The following SNTG1 variants were observed in gnomAD, a reference collection of about 807,000 sequenced individuals.
SNTG1 encodes syntrophin gamma 1, also known as gamma-1-syntrophin.
A neutral mutation model predicts 74.7 loss-of-function variants in SNTG1; 39 were observed. The observed-to-expected ratio is 0.52, with a 90% CI of 0.40 to 0.68. SNTG1 has a LOEUF of 0.68. Ranked by LOEUF, SNTG1 falls within the 30% of genes least tolerant of loss-of-function variation. The probability of loss-of-function intolerance (pLI) is 0.00; values close to 1 mark genes in which losing one functional copy is unlikely to be tolerated. For synonymous variants in SNTG1, 254 were observed against 217.1 expected (o/e 1.17, Z -1.49); for missense variants, 685 against 609.5 (o/e 1.12, Z -1.30).
intron 18 of SNTG1, among the ~76,000 whole-genome samples, chr8:50,773,893 A>G (rs1304060324): frequency 1.3e-5 from 2 of 152,144 alleles, no homozygotes; most frequent in Non-Finnish European, 2.9e-5. Context: ...AGAGAATGTT[A>G]ATGAAAGGAT....
chr8:50,053,432 G>A (rs1819748310), intron 1 of SNTG1, among the ~76,000 whole-genome samples: 1 of 151,970 alleles, frequency 6.6e-6, no homozygotes, highest in South Asian at 2.1e-4. Context: ...GGATTAGGGA[G>A]AGGAATGATT....
intron 12 of SNTG1, chr8:50,575,520 C>G (rs188278794): frequency 1.3e-5 from 2 of 152,222 alleles, no homozygotes; most frequent in Middle Eastern, 3.2e-3. Context: ...CTCCACCATA[C>G]CAAAGTAGCA....
At chr8:50,446,221 A>T (rs2093405941) in intron 5 of SNTG1, among the ~76,000 whole-genome samples, 1 of 152,214 alleles carries the variant, frequency 6.6e-6, no homozygotes. Flanking sequence ...TAACTGTAGC[A>T]GCTGAGCTGC....
chr8:50,721,632 G>A lies in SNTG1; in HGVS notation c.1284+12654G>A, dbSNP rs542565137. On this transcript the variant is annotated intron_variant, in intron 17 of 18. Coordinates refer to ENST00000642720, the MANE Select transcript of SNTG1 (RefSeq NM_018967.5). Reference sequence around the variant, plus strand: ...GTTCAATAAATGAGTCTGATGTTTGGTTAGGGAAATCACTAAAAAGGTAGG... The same window carrying A: ...GTTCAATAAATGAGTCTGATGTTTGATTAGGGAAATCACTAAAAAGGTAGG... 2.0e-5 allele frequency among the ~76,000 whole-genome samples: 3 copies of A among 152,212 alleles called. No homozygotes were observed. In the East Asian group the frequency reaches 5.8e-4, roughly 29 times the overall value.
At chr8:50,315,709 C>G (rs1331489560) in intron 2 of SNTG1, among the ~76,000 whole-genome samples, 1 of 138,098 alleles carries the variant, frequency 7.2e-6, no homozygotes, top group African/African-American at 3.0e-5. Context: ...AGTGAATATG[C>G]CTTCCTAACA....
chr8:49,998,963 A>G (rs1193147570), intron 1 of SNTG1, among the ~76,000 whole-genome samples: 2 of 152,186 alleles, frequency 1.3e-5, no homozygotes, highest in Non-Finnish European at 2.9e-5. Flanking sequence ...AACACAGTCT[A>G]TAAAATGGAT....
At chr8:50,752,576 A>G (rs2095570328) in intron 18 of SNTG1, among the ~76,000 whole-genome samples, 1 of 152,000 alleles carries the variant, frequency 6.6e-6, no homozygotes, top group African/African-American at 2.4e-5. Flanking sequence ...TTGCATTAGA[A>G]TAAATTATAA....
At chr8:49,962,983 G>A (rs565426141) in intron 1 of SNTG1, among the ~76,000 whole-genome samples, 22 of 152,288 alleles carry the variant, frequency 1.4e-4, no homozygotes, top group African/African-American at 4.1e-4. Context: ...AGGGATCCAC[G>A]ACTCCTGAGT....
intron 1 of SNTG1, among the ~76,000 whole-genome samples, chr8:50,162,568 A>AAAAAAAAAAG (rs1053332278): frequency 7.3e-5 from 11 of 151,112 alleles, no homozygotes; most frequent in Non-Finnish European, 1.5e-4. Flanking sequence ...TCAAAAAAAA[A>AAAAAAAAAAG]AAAAAAAAAG....
At chr8:50,579,402 T>A (rs2094595711) in intron 12 of SNTG1, among the ~76,000 whole-genome samples, 1 of 152,170 alleles carries the variant, frequency 6.6e-6, no homozygotes, top group Admixed American at 6.5e-5. Context: ...TAGGGTGACA[T>A]TCAAGTAGGC....
Position 50,708,909 on chromosome 8 carries a change from A to G in SNTG1, c.1215A>G (p.Leu405=). 2 of 1,613,740 alleles carry G rather than the reference A, an allele frequency of 1.2e-6. No individual in the cohort carries two copies. The highest frequency in any genetic ancestry group is 1.7e-6 in the Non-Finnish European group (2 of 1,179,744). Reference sequence around the variant, plus strand: ...AGTGCAAGACCTATGCATGTGTGCTAGAAAGTCATCTAATGGGACTCACAA... The same window carrying G: ...AGTGCAAGACCTATGCATGTGTGCTGGAAAGTCATCTAATGGGACTCACAA... The part of the protein sequence containing the change: ...RIQCKTYACV[L]ESHLMGLTID... Residue 405 remains leucine (L), a synonymous_variant, in exon 17 of 19, where the codon CTA becomes CTG. Coordinates refer to ENST00000642720, the MANE Select transcript of SNTG1 (RefSeq NM_018967.5).
chr8:50,769,859 T>C (rs1180462655), intron 18 of SNTG1, among the ~76,000 whole-genome samples: 1 of 152,104 alleles, frequency 6.6e-6, no homozygotes, highest in Admixed American at 6.6e-5. Flanking sequence ...TAAACATTGT[T>C]CTATTACATC....
Position 50,128,816 on chromosome 8 carries a change from C to T in SNTG1, c.-102-43745C>T, listed in dbSNP as rs545732552. ...TTGAATAGAAAATTATCTATATGCT[C>T]ACCCCATTATTTAAATAACACACAA... is the stretch of plus-strand genomic sequence containing the variant. On this transcript the variant is annotated intron_variant, in intron 1 of 18. Coordinates refer to ENST00000642720, the MANE Select transcript of SNTG1 (RefSeq NM_018967.5). Among the ~76,000 whole-genome samples, 8 of 152,210 alleles carry T rather than the reference C, an allele frequency of 5.3e-5. No homozygotes were observed. The East Asian group carries it at 9.7e-4, about 18-fold the overall frequency.
At chr8:50,240,807 A>G (rs2086132147) in intron 2 of SNTG1, among the ~76,000 whole-genome samples, 1 of 152,160 alleles carries the variant, frequency 6.6e-6, no homozygotes, top group Non-Finnish European at 1.5e-5. Flanking sequence ...AAGAAAACAA[A>G]TTTATGCTTA....
At chr8:50,086,668 G>A (rs1453624029) in intron 1 of SNTG1, among the ~76,000 whole-genome samples, 2 of 152,068 alleles carry the variant, frequency 1.3e-5, no homozygotes, top group Admixed American at 6.6e-5. Context: ...CAAGAGAATG[G>A]CAATTTTGGG....
chr8:50,243,688 A>C (rs930329226), intron 2 of SNTG1, among the ~76,000 whole-genome samples: 1 of 150,380 alleles, frequency 6.6e-6, no homozygotes, highest in Non-Finnish European at 1.5e-5. Flanking sequence ...TAATTAATTA[A>C]TTTTTTTTTT....
At chr8:50,172,354 T>C (rs1278711665) in intron 1 of SNTG1, among the ~76,000 whole-genome samples, 1 of 152,154 alleles carries the variant, frequency 6.6e-6, no homozygotes, top group East Asian at 1.9e-4. Flanking sequence ...TTGGAAAATA[T>C]TACCTCATTT....
At chr8:50,103,076 GT>G (rs1197991930) in intron 1 of SNTG1, among the ~76,000 whole-genome samples, 5 of 152,016 alleles carry the variant, frequency 3.3e-5, no homozygotes, top group Admixed American at 6.6e-5. Context: ...CTTGAAAGTA[GT>G]TTTTTCCAAT....
chr8:50,749,637 A>C (rs553665871), intron 17 of SNTG1, among the ~76,000 whole-genome samples: 1 of 152,090 alleles, frequency 6.6e-6, no homozygotes, highest in African/African-American at 2.4e-5. Context: ...GCCAATTCTC[A>C]TTTACCATTC....
Sources: allele counts gnomAD v4.1 joint callset (sites outside exome capture counted in the v4.1 genomes callset), GRCh38; gene constraint gnomAD v4.1.1; transcripts MANE v1.5; gene names NCBI Gene and HGNC (gene_info 2026-07-23, HGNC 2026-07-21).